The following VPS41 variants were observed in gnomAD, a reference collection of about 807,000 sequenced individuals.
VPS41 encodes the protein vacuolar protein sorting-associated protein 41 homolog.
In VPS41, 85 loss-of-function variants were observed where a neutral mutation model predicts 130.9. The ratio of observed to expected loss-of-function variants is 0.65; its 90% CI spans 0.55 to 0.78. The LOEUF (loss-of-function observed/expected upper bound fraction) is 0.78, where lower values mean the gene tolerates loss of function less well. Among genes scored for constraint, VPS41 ranks in the 30% least tolerant of loss-of-function variants. The pLI, the probability that VPS41 is intolerant of heterozygous loss-of-function variation, is 0.00. For missense variants in VPS41, 874 were observed against 1,018.7 expected, an observed-to-expected ratio of 0.86 and a Z score of 1.93; for synonymous variants, 335 against 332.9, an observed-to-expected ratio of 1.01 and a Z score of -0.07.
intron 2 of VPS41, among the ~76,000 whole-genome samples, chr7:38,895,188 G>A (rs1027636279): frequency 6.6e-6 from 1 of 152,046 alleles, no homozygotes; most frequent in Non-Finnish European, 1.5e-5. Context: ...TGGGCGTGTT[G>A]GTGCACACCT....
chr7:38,799,737 G>A (rs1391168958), intron 7 of VPS41, among the ~76,000 whole-genome samples: 1 of 152,002 alleles, frequency 6.6e-6, no homozygotes, highest in Admixed American at 6.5e-5. Flanking sequence ...GAGAATAACA[G>A]GAATTTTTAA....
intron 19 of VPS41, among the ~76,000 whole-genome samples, chr7:38,755,599 G>A (rs1042082841): frequency 1.3e-5 from 2 of 152,144 alleles, no homozygotes; most frequent in African/African-American, 4.8e-5. Context: ...ACTCTGCTAC[G>A]ACCTAGCTGT....
intron 2 of VPS41, among the ~76,000 whole-genome samples, chr7:38,882,369 A>G (rs1230872853): frequency 6.6e-6 from 1 of 152,116 alleles, no homozygotes; most frequent in African/African-American, 2.4e-5. Context: ...ATTTCCCTTC[A>G]TCTACCAGAT....
At chr7:38,900,393 C>T (rs189450121) in intron 1 of VPS41, among the ~76,000 whole-genome samples, 2 of 152,006 alleles carry the variant, frequency 1.3e-5, no homozygotes, top group African/African-American at 4.8e-5. Flanking sequence ...TGGCAGACCA[C>T]GGAGACTGGG....
chr7:38,852,795 T>C (rs1785888221), intron 4 of VPS41, among the ~76,000 whole-genome samples: 1 of 152,194 alleles, frequency 6.6e-6, no homozygotes, highest in African/African-American at 2.4e-5. Context: ...TTATTTATTG[T>C]TAAACCATAT....
chr7:38,858,308 T>C (rs1329699097), intron 4 of VPS41, among the ~76,000 whole-genome samples: 2 of 152,192 alleles, frequency 1.3e-5, no homozygotes, highest in African/African-American at 4.8e-5. Context: ...TATATTAGAG[T>C]CAGTTTGGAA....
chr7:38,767,538 GTGC>G lies in VPS41; in HGVS notation c.1243_1245del (p.Ala415del), dbSNP rs1562578649. On this transcript the variant is annotated inframe_deletion and splice_region_variant, in exon 15 of 29. Coordinates refer to ENST00000310301, the MANE Select transcript of VPS41 (RefSeq NM_014396.4). Reference sequence around the variant, plus strand: ...TAATTGTGAAAATGTCATCATTACCGTGCTGCTATGTCATAGTCTCCTCTCTCC... The same window carrying G: ...TAATTGTGAAAATGTCATCATTACCGTGCTATGTCATAGTCTCCTCTCTCC... The G allele has an allele frequency of 1.3e-6, 2 of 1,596,868 alleles. No individual in the cohort carries two copies. Among genetic ancestry groups the G allele is most frequent in the Non-Finnish European group, 1.7e-6 (2 of 1,168,186 alleles).
At chr7:38,830,776 C>T (rs182423874) in intron 4 of VPS41, among the ~76,000 whole-genome samples, 7 of 152,272 alleles carry the variant, frequency 4.6e-5, no homozygotes, top group African/African-American at 1.7e-4. Flanking sequence ...CCTAAATCAC[C>T]ACATGAGCGA....
At chr7:38,888,200 G>A (rs775322853) in intron 2 of VPS41, among the ~76,000 whole-genome samples, 14 of 152,104 alleles carry the variant, frequency 9.2e-5, no homozygotes, top group African/African-American at 2.4e-4. Flanking sequence ...AAATGTAAAC[G>A]GGCTAAATGC....
At chr7:38,824,238 TA>T (rs1046836051) in intron 5 of VPS41, among the ~76,000 whole-genome samples, 8 of 152,224 alleles carry the variant, frequency 5.3e-5, no homozygotes, top group Non-Finnish European at 1.0e-4. Context: ...CTTACATCCC[TA>T]AATGTGTCAA....
chr7:38,866,424 G>C (rs1562616046), intron 3 of VPS41, among the ~76,000 whole-genome samples: 1 of 152,204 alleles, frequency 6.6e-6, no homozygotes, highest in African/African-American at 2.4e-5. Flanking sequence ...GCCAGAGCAA[G>C]AGTAGTAAGA....
intron 2 of VPS41, among the ~76,000 whole-genome samples, chr7:38,880,536 T>C (rs1562621460): frequency 1.3e-5 from 2 of 152,200 alleles, no homozygotes; most frequent in Non-Finnish European, 2.9e-5. Flanking sequence ...ATGGAAATGA[T>C]GACAACAGAC....
At chr7:38,898,346 G>C (rs1787059221) in intron 1 of VPS41, among the ~76,000 whole-genome samples, 1 of 152,130 alleles carries the variant, frequency 6.6e-6, no homozygotes, top group African/African-American at 2.4e-5. Flanking sequence ...CCCTCAAAGA[G>C]TTAACAGGTA....
chr7:38,790,743 G>A (rs920399604), intron 9 of VPS41, among the ~76,000 whole-genome samples: 2 of 152,144 alleles, frequency 1.3e-5, no homozygotes, highest in African/African-American at 2.4e-5. Context: ...ATCCACAGGG[G>A]TCCTGGAACC....
chr7:38,885,348 T>C (rs538471662), intron 2 of VPS41, among the ~76,000 whole-genome samples: 2 of 152,340 alleles, frequency 1.3e-5, no homozygotes. Context: ...AAAATACTTA[T>C]CTCCATGAAG....
intron 10 of VPS41, among the ~76,000 whole-genome samples, chr7:38,780,585 G>A (rs1784338180): frequency 1.3e-5 from 2 of 152,164 alleles, no homozygotes; most frequent in South Asian, 4.1e-4. Flanking sequence ...AGATGAATAC[G>A]ATTCTGTACA....
At chr7:38,876,994 A>C (rs767469955) in intron 2 of VPS41, among the ~76,000 whole-genome samples, 48 of 152,232 alleles carry the variant, frequency 3.2e-4, no homozygotes, top group Admixed American at 3.9e-4. Context: ...TAACCTCACC[A>C]ATCTTCAAGC....
At chr7:38,819,940 T>G (rs184793245) in intron 6 of VPS41, among the ~76,000 whole-genome samples, 20 of 152,324 alleles carry the variant, frequency 1.3e-4, no homozygotes, top group African/African-American at 4.3e-4. Flanking sequence ...AGGCCCATAT[T>G]CATGTTTCTA....
intron 4 of VPS41, among the ~76,000 whole-genome samples, chr7:38,853,413 CTT>C: frequency 1.3e-5 from 1 of 74,526 alleles, no homozygotes; most frequent in Non-Finnish European, 2.4e-5. Context: ...AGCGAGACTC[CTT>C]CTCAAAAAAA....
Sources: gnomAD v4.1 joint callset for allele counts (sites outside exome capture counted in the v4.1 genomes callset) on GRCh38, gnomAD v4.1.1 for gene constraint, MANE v1.5 for transcripts, NCBI Gene and HGNC (gene_info 2026-07-23, HGNC 2026-07-21) for gene names.